Variants in LPP observed in about 807,000 individuals in gnomAD.
LPP encodes LIM domain containing preferred translocation partner in lipoma, also known as lipoma-preferred partner.
A neutral mutation model predicts 60.4 loss-of-function variants in LPP; 38 were observed. The observed-to-expected ratio is 0.63, with a 90% CI of 0.49 to 0.83. LPP has a LOEUF of 0.83. Among genes scored for constraint, LPP ranks in the 40% least tolerant of loss-of-function variants. The probability of loss-of-function intolerance (pLI) is 0.00; values close to 1 mark genes in which losing one functional copy is unlikely to be tolerated. For missense variants in LPP, 902 were observed against 783.6 expected, an observed-to-expected ratio of 1.15 and a Z score of -1.80; for synonymous variants, 328 against 290.8, an observed-to-expected ratio of 1.13 and a Z score of -1.30.
intron 7 of LPP, among the ~76,000 whole-genome samples, chr3:188,697,401 C>T (rs527319612): frequency 6.6e-6 from 1 of 152,286 alleles, no homozygotes; most frequent in Non-Finnish European, 1.5e-5. Context: ...ATATTAAAAC[C>T]GAAAACTGAT....
At chr3:188,787,483 C>G (rs763984232) in intron 9 of LPP, among the ~76,000 whole-genome samples, 23 of 152,022 alleles carry the variant, frequency 1.5e-4, no homozygotes, top group Non-Finnish European at 2.5e-4. Context: ...ACTAACAGTT[C>G]AGCTCCCTGT....
At chr3:188,866,137 C>A (rs1443362164) in intron 9 of LPP, 63 bp from the exon 10 acceptor site, 2 of 1,284,378 alleles carry the variant, frequency 1.6e-6, no homozygotes, top group Non-Finnish European at 2.1e-6. Flanking sequence ...TGTAAAGATG[C>A]CTGTCATGCA....
chr3:188,613,073 G>T (rs1844042507), intron 7 of LPP, among the ~76,000 whole-genome samples: 2 of 152,060 alleles, frequency 1.3e-5, no homozygotes, highest in Admixed American at 6.6e-5. Flanking sequence ...TCTGAGCAGA[G>T]TTCCTTGAAA....
intron 6 of LPP, among the ~76,000 whole-genome samples, chr3:188,607,707 C>T (rs1287388137): frequency 6.6e-6 from 1 of 151,936 alleles, no homozygotes; most frequent in East Asian, 1.9e-4. Context: ...AAATCGAGCA[C>T]ATTTTAAAAA....
intron 7 of LPP, among the ~76,000 whole-genome samples, chr3:188,689,153 T>G (rs1861546122): frequency 6.6e-6 from 1 of 152,146 alleles, no homozygotes; most frequent in South Asian, 2.1e-4. Context: ...AGCCTCAGTG[T>G]TGGGAGGATT....
chr3:188,839,848 A>T (rs978558057), intron 9 of LPP, among the ~76,000 whole-genome samples: 4 of 152,212 alleles, frequency 2.6e-5, no homozygotes, highest in Non-Finnish European at 4.4e-5. Flanking sequence ...ACTGCACTCC[A>T]GCCTGGCGAC....
chr3:188,470,324 A>C (rs975535062), intron 4 of LPP, among the ~76,000 whole-genome samples: 8 of 149,764 alleles, frequency 5.3e-5, no homozygotes, highest in Non-Finnish European at 1.0e-4. Context: ...ACACACGCAC[A>C]CATAAACCAC....
chr3:188,535,078 G>A (rs1031867309), intron 6 of LPP, among the ~76,000 whole-genome samples: 1 of 152,080 alleles, frequency 6.6e-6, no homozygotes. Flanking sequence ...TTGCTGTTGA[G>A]CCAGCAGTTA....
At chr3:188,827,354 C>T (rs953628707) in intron 9 of LPP, among the ~76,000 whole-genome samples, 1 of 152,180 alleles carries the variant, frequency 6.6e-6, no homozygotes, top group Admixed American at 6.5e-5. Flanking sequence ...CAGTTTTCCA[C>T]CCCACAGCAC....
At chr3:188,733,513 A>C (rs372106648) in intron 8 of LPP, among the ~76,000 whole-genome samples, 12 of 152,238 alleles carry the variant, frequency 7.9e-5, no homozygotes, top group East Asian at 5.8e-4. Flanking sequence ...TCTTTATTTG[A>C]ATTGTTTCAT....
chr3:188,760,408 G>A, intron 9 of LPP, 126 bp downstream of exon 9: 1 of 742,350 alleles, frequency 1.3e-6, no homozygotes, highest in Non-Finnish European at 2.1e-6. Context: ...TGTGTGTGTG[G>A]GGTGTGTGTG....
At chr3:188,384,432 C>T (rs543662395) in intron 3 of LPP, among the ~76,000 whole-genome samples, 2 of 151,846 alleles carry the variant, frequency 1.3e-5, no homozygotes, top group African/African-American at 4.8e-5. Flanking sequence ...AGATGGGCAA[C>T]CCTGATGATC....
intron 4 of LPP, among the ~76,000 whole-genome samples, chr3:188,443,017 T>A (rs1305016086): frequency 6.6e-6 from 1 of 152,186 alleles, no homozygotes; most frequent in African/African-American, 2.4e-5. Flanking sequence ...ACACACAAAT[T>A]TTTTTTCTGT....
chr3:188,194,619 G>A (rs190459214), intron 1 of LPP, among the ~76,000 whole-genome samples: 34 of 152,316 alleles, frequency 2.2e-4, no homozygotes, highest in Admixed American at 1.4e-3. Context: ...GAGGGAAGAA[G>A]GGAAGTATAA....
chr3:188,791,618 G>A (rs1207292510), intron 9 of LPP, among the ~76,000 whole-genome samples: 1 of 151,694 alleles, frequency 6.6e-6, no homozygotes, highest in East Asian at 1.9e-4. Context: ...ATTGCACCAT[G>A]ATTAGTCTAT....
At chr3:188,530,632 G>A (rs1022266841) in intron 6 of LPP, among the ~76,000 whole-genome samples, 9 of 152,148 alleles carry the variant, frequency 5.9e-5, no homozygotes, top group Non-Finnish European at 1.3e-4. Context: ...TGACACAAAG[G>A]CCCAGCTTGA....
chr3:188,560,714 G>T (rs938912396), intron 6 of LPP, among the ~76,000 whole-genome samples: 1 of 152,050 alleles, frequency 6.6e-6, no homozygotes. Context: ...CAAAGTCTAT[G>T]TGTTCTTGCC....
rs541825423 is a variant in LPP at position 188,465,612 on chromosome 3, T to C, written c.194-18980T>C. ...CAATCTAATAAACAAACAGATAATC[T>C]AGTTCAGTTTTGTCTAAGTAATATA... is the stretch of plus-strand genomic sequence containing the variant. On this transcript the variant is annotated intron_variant, in intron 4 of 11. Transcript: ENST00000617246. 2.0e-5 allele frequency among the ~76,000 whole-genome samples: 3 copies of C among 152,292 alleles called. No homozygotes were observed. In the South Asian group the frequency reaches 6.2e-4, roughly 32 times the overall value.
At chr3:188,349,766 G>A (rs1765351245) in intron 3 of LPP, among the ~76,000 whole-genome samples, 2 of 152,210 alleles carry the variant, frequency 1.3e-5, no homozygotes, top group Non-Finnish European at 2.9e-5. Flanking sequence ...CGAAAAGGTG[G>A]CAGCACTGAG....
Sources: allele counts gnomAD v4.1 joint callset (sites outside exome capture counted in the v4.1 genomes callset), GRCh38; gene constraint gnomAD v4.1.1; transcripts MANE v1.5; gene names NCBI Gene and HGNC (gene_info 2026-07-23, HGNC 2026-07-21).